SYT10: variants seen among roughly 807,000 people sequenced by gnomAD.
The protein encoded by SYT10 is synaptotagmin 10.
In SYT10, 31 loss-of-function variants were observed where a neutral mutation model predicts 51.1. That is an observed-to-expected ratio of 0.61 (90% CI 0.46 to 0.82). The LOEUF (loss-of-function observed/expected upper bound fraction) is 0.82, where lower values mean the gene tolerates loss of function less well. Among genes scored for constraint, SYT10 ranks in the 40% least tolerant of loss-of-function variants. The probability of loss-of-function intolerance (pLI) is 0.00; values close to 1 mark genes in which losing one functional copy is unlikely to be tolerated. For missense variants in SYT10, 603 were observed against 634.0 expected, an observed-to-expected ratio of 0.95 and a Z score of 0.53; for synonymous variants, 233 against 225.9, an observed-to-expected ratio of 1.03 and a Z score of -0.28.
intron 3 of SYT10, among the ~76,000 whole-genome samples, chr12:33,399,860 G>A (rs1157921363): frequency 2.0e-5 from 3 of 152,192 alleles, no homozygotes; most frequent in Non-Finnish European, 4.4e-5. Context: ...CATCATTTGA[G>A]TTAATCTATC....
intron 3 of SYT10, among the ~76,000 whole-genome samples, chr12:33,403,684 TC>T (rs1214778049): frequency 6.6e-6 from 1 of 152,188 alleles, no homozygotes; most frequent in Non-Finnish European, 1.5e-5. Context: ...TTCCTCTTAT[TC>T]TCCATTTTTC....
At chr12:33,385,071 C>A in intron 4 of SYT10, 100 bp downstream of exon 4, 1 of 1,409,532 alleles carries the variant, frequency 7.1e-7, no homozygotes, top group Non-Finnish European at 9.6e-7. Context: ...GTAGTACTCC[C>A]ATTATAGGCA....
intron 1 of SYT10, among the ~76,000 whole-genome samples, chr12:33,428,557 G>A (rs1278990656): frequency 2.6e-5 from 4 of 152,170 alleles, no homozygotes; most frequent in South Asian, 4.1e-4. Flanking sequence ...TATCTTTAGT[G>A]AATTCTATGA....
intron 1 of SYT10, among the ~76,000 whole-genome samples, chr12:33,434,583 C>T (rs1472802249): frequency 1.3e-5 from 2 of 152,138 alleles, no homozygotes; most frequent in African/African-American, 4.8e-5. Flanking sequence ...GTGGGCGGAT[C>T]ACCTGAGGTC....
intron 2 of SYT10, among the ~76,000 whole-genome samples, 198 bp downstream of exon 2, chr12:33,425,940 C>G (rs1282407666): frequency 6.6e-6 from 1 of 151,982 alleles, no homozygotes; most frequent in Non-Finnish European, 1.5e-5. Flanking sequence ...GTTTCTCTCT[C>G]TCTGCCCCTA....
intron 6 of SYT10, 45 bp from the exon 7 acceptor site, chr12:33,376,946 G>A: frequency 6.3e-7 from 1 of 1,587,564 alleles, no homozygotes; most frequent in Non-Finnish European, 8.6e-7. Flanking sequence ...TACAGAAATA[G>A]AACACAGTGG....
intron 3 of SYT10, among the ~76,000 whole-genome samples, chr12:33,390,092 A>G (rs1048545275): frequency 1.3e-5 from 2 of 152,214 alleles, no homozygotes; most frequent in African/African-American, 4.8e-5. Flanking sequence ...AATAACATAT[A>G]TAGTTTAGGC....
At chr12:33,412,442 A>T (rs1484108909) in intron 2 of SYT10, among the ~76,000 whole-genome samples, 1 of 151,366 alleles carries the variant, frequency 6.6e-6, no homozygotes, top group Non-Finnish European at 1.5e-5. Context: ...GACAGTGATT[A>T]GTGGCTATAT....
chr12:33,419,023 C>A (rs774449304), intron 2 of SYT10, among the ~76,000 whole-genome samples: 4 of 152,088 alleles, frequency 2.6e-5, no homozygotes, highest in African/African-American at 4.8e-5. Flanking sequence ...AGCACGGGTT[C>A]TAGCTTCAGG....
At chr12:33,408,787 C>T (rs1866380809) in intron 2 of SYT10, among the ~76,000 whole-genome samples, 1 of 150,072 alleles carries the variant, frequency 6.7e-6, no homozygotes, top group African/African-American at 2.5e-5. Flanking sequence ...GCTTGCAAAT[C>T]GGTTCTTTAT....
chr12:33,393,514 T>G (rs2138398469), intron 3 of SYT10, among the ~76,000 whole-genome samples: 1 of 152,348 alleles, frequency 6.6e-6, no homozygotes, highest in African/African-American at 2.4e-5. Flanking sequence ...CTGGATGAAC[T>G]TGGCTCCACT....
In SYT10 at chr12:33,375,202, G is replaced by A. The variant is rs1252603422; in HGVS notation, c.*1628C>T. The A allele has an allele frequency of 2.0e-5, 3 of 151,878 alleles. No homozygotes were observed. The highest frequency in any genetic ancestry group is 7.3e-5 in the African/African-American group (3 of 41,370). The allele number at this position is 151,878 out of a possible 1,614,324, so 9.4% of individuals were successfully genotyped here. Reference sequence around the variant, plus strand: ...GTATAAGCATTTTTGAAAAATCTGAGGCAGAACTGTGTTTGCCTTTAAAAT... The same window carrying A: ...GTATAAGCATTTTTGAAAAATCTGAAGCAGAACTGTGTTTGCCTTTAAAAT... On this transcript the variant is annotated 3_prime_UTR_variant, in exon 7 of 7. Coordinates refer to ENST00000228567, the MANE Select transcript of SYT10 (RefSeq NM_198992.4).
intron 1 of SYT10, among the ~76,000 whole-genome samples, chr12:33,432,145 A>T (rs1220653289): frequency 4.6e-5 from 7 of 152,146 alleles, no homozygotes; most frequent in Non-Finnish European, 1.0e-4. Context: ...CTAAGTTTTA[A>T]AAGAAGTATT....
At chr12:33,436,958 G>C (rs1866642617) in intron 1 of SYT10, among the ~76,000 whole-genome samples, 1 of 152,120 alleles carries the variant, frequency 6.6e-6, no homozygotes, top group African/African-American at 2.4e-5. Flanking sequence ...GCTTTATTTA[G>C]GAACCTATAA....
At position 33,393,063 on chromosome 12, in the gene SYT10, G is replaced by A. The variant is rs76649094; in HGVS notation, c.1078-7772C>T. On this transcript the variant is annotated intron_variant, in intron 3 of 6. Coordinates refer to ENST00000228567, the MANE Select transcript of SYT10 (RefSeq NM_198992.4). ...GCACCATCCTCATAGATGCCAGAAT[G>A]GTTTAGCTCTTGTCCTATCCAACAC... Among the ~76,000 whole-genome samples the A allele has an allele frequency of 9.7e-4, 142 of 145,698 alleles. 1 individual carries two copies. The East Asian group carries it at 0.022, about 22-fold the overall frequency.
Position 33,411,959 on chromosome 12 carries a change from T to C in SYT10, c.510-4603A>G, listed in dbSNP as rs143507049. 3.6e-3 allele frequency among the ~76,000 whole-genome samples: 548 copies of C among 152,224 alleles called. 3 individuals are homozygous for C. The highest frequency in any genetic ancestry group is 0.014 in the Middle Eastern group (4 of 294). The stretch of plus-strand genomic sequence containing the variant: ...GTTAAAAGGGTCTAGTATAATCTAG[T>C]TTGCATATTCAATATTCTTAAGATA... On this transcript the variant is annotated intron_variant, in intron 2 of 6. Coordinates refer to ENST00000228567, the MANE Select transcript of SYT10 (RefSeq NM_198992.4).
intron 3 of SYT10, among the ~76,000 whole-genome samples, chr12:33,385,972 G>A (rs954792963): frequency 6.6e-6 from 1 of 151,824 alleles, no homozygotes; most frequent in Admixed American, 6.6e-5. Context: ...GGTGTGCCTG[G>A]GACATTCCTG....
At chr12:33,385,691 T>C (rs1196060572) in intron 3 of SYT10, among the ~76,000 whole-genome samples, 1 of 152,176 alleles carries the variant, frequency 6.6e-6, no homozygotes, top group Non-Finnish European at 1.5e-5. Context: ...CATGGGCAAG[T>C]CCTGTCTACA....
chr12:33,377,629 C>CTTTTTTTTT (rs375275079), intron 6 of SYT10, among the ~76,000 whole-genome samples: 7 of 113,996 alleles, frequency 6.1e-5, no homozygotes, highest in South Asian at 2.7e-4. Flanking sequence ...TTTTCTTTTT[C>CTTTTTTTTT]TTTTTTTTTT....
Sources: allele counts gnomAD v4.1 joint callset (sites outside exome capture counted in the v4.1 genomes callset), GRCh38; gene constraint gnomAD v4.1.1; transcripts MANE v1.5; gene names NCBI Gene and HGNC (gene_info 2026-07-23, HGNC 2026-07-21).